Variants in EEF1AKMT2 observed in about 807,000 individuals in gnomAD.
The protein encoded by EEF1AKMT2 is EEF1A lysine methyltransferase 2.
In EEF1AKMT2, 32 loss-of-function variants were observed where a neutral mutation model predicts 35.8. The observed-to-expected ratio is 0.89, with a 90% CI of 0.67 to 1.20. The LOEUF (loss-of-function observed/expected upper bound fraction) is 1.20. Ranked by LOEUF, EEF1AKMT2 falls within the 50% of genes most tolerant of loss-of-function variation. EEF1AKMT2 has a pLI of 0.00. For synonymous variants in EEF1AKMT2, 121 were observed against 133.7 expected, an observed-to-expected ratio of 0.91 and a Z score of 0.65; for missense variants, 330 against 347.5, an observed-to-expected ratio of 0.95 and a Z score of 0.40.
intron 3 of EEF1AKMT2, among the ~76,000 whole-genome samples, chr10:124,782,407 C>A (rs998108734): frequency 1.3e-5 from 2 of 151,694 alleles, no homozygotes; most frequent in Non-Finnish European, 2.9e-5. Context: ...ACGGTGAAAC[C>A]CCGTCTCTAC....
intron 4 of EEF1AKMT2, among the ~76,000 whole-genome samples, chr10:124,771,161 T>A (rs964272161): frequency 6.6e-6 from 1 of 151,844 alleles, no homozygotes; most frequent in Non-Finnish European, 1.5e-5. Flanking sequence ...GTGCAGCGGC[T>A]AGATCTCAGC....
chr10:124,766,465 T>G (rs2134122626), intron 4 of EEF1AKMT2, among the ~76,000 whole-genome samples: 1 of 152,328 alleles, frequency 6.6e-6, no homozygotes, highest in African/African-American at 2.4e-5. Context: ...AATAACCTGA[T>G]GCATACTAAG....
intron 4 of EEF1AKMT2, among the ~76,000 whole-genome samples, chr10:124,770,941 A>G (rs1297726219): frequency 6.6e-6 from 1 of 152,128 alleles, no homozygotes; most frequent in Non-Finnish European, 1.5e-5. Context: ...ATTTGCAGTT[A>G]ATTCCTCCAT....
intron 4 of EEF1AKMT2, among the ~76,000 whole-genome samples, chr10:124,772,397 T>C (rs1056293574): frequency 2.6e-5 from 4 of 151,426 alleles, no homozygotes; most frequent in Non-Finnish European, 5.9e-5. Context: ...TTTTATGTCA[T>C]GGAGATGGCT....
rs1256014014 is a variant in EEF1AKMT2 at position 124,758,383 on chromosome 10, G to C, written c.*2120C>G. 6.6e-6 allele frequency: 1 copy of C among 151,824 alleles called. No individual in the cohort carries two copies. Among genetic ancestry groups the C allele is most frequent in the Non-Finnish European group, 1.5e-5 (1 of 67,998 alleles). 9.4% of individuals were successfully genotyped at this position (151,824 alleles called of 1,614,324 possible). ...ATGTGAAAATACTAATTTCTTATTA[G>C]CATTTTTGGACCTTCCATTTGTTCT... On this transcript the variant is annotated 3_prime_UTR_variant, in exon 7 of 7. Coordinates refer to ENST00000368836, the MANE Select transcript of EEF1AKMT2 (RefSeq NM_212554.4).
intron 4 of EEF1AKMT2, among the ~76,000 whole-genome samples, chr10:124,771,231 C>G (rs891198846): frequency 2.6e-5 from 4 of 152,008 alleles, no homozygotes; most frequent in Non-Finnish European, 5.9e-5. Context: ...TCCCAAGTAG[C>G]TGAGACTACA....
chr10:124,763,318 G>GA (rs1250299707), intron 5 of EEF1AKMT2, among the ~76,000 whole-genome samples: 2 of 152,046 alleles, frequency 1.3e-5, no homozygotes, highest in Non-Finnish European at 2.9e-5. Context: ...GGGTATCATG[G>GA]AAAAAATGCA....
chr10:124,768,344 C>T (rs1950398165), intron 4 of EEF1AKMT2, among the ~76,000 whole-genome samples: 1 of 152,202 alleles, frequency 6.6e-6, no homozygotes, highest in African/African-American at 2.4e-5. Context: ...CACAGTGGCT[C>T]ATGCCCATAA....
At chr10:124,783,845 A>T (rs1426770233) in intron 3 of EEF1AKMT2, among the ~76,000 whole-genome samples, 3 of 151,806 alleles carry the variant, frequency 2.0e-5, no homozygotes, top group Non-Finnish European at 4.4e-5. Flanking sequence ...TTATTTTGAG[A>T]CAGAGTTTCA....
At chr10:124,760,655 A>G (rs1005509591) in intron 6 of EEF1AKMT2, 152 bp from the exon 7 acceptor site, 21 of 614,778 alleles carry the variant, frequency 3.4e-5, no homozygotes, top group African/African-American at 9.2e-5. Flanking sequence ...TGATTTTTCA[A>G]TTCTACTATG....
At chr10:124,785,460 CA>C in intron 3 of EEF1AKMT2, among the ~76,000 whole-genome samples, 1 of 151,930 alleles carries the variant, frequency 6.6e-6, no homozygotes, top group African/African-American at 2.4e-5. Context: ...AAAGATAAGC[CA>C]AAGAATAGAA....
intron 1 of EEF1AKMT2, 33 bp from the exon 2 acceptor site, chr10:124,790,371 T>G (rs369374541): frequency 6.8e-7 from 1 of 1,466,742 alleles, no homozygotes; most frequent in African/African-American, 1.4e-5. Flanking sequence ...AGCAAGACTC[T>G]TGAATTAAAC....
intron 3 of EEF1AKMT2, among the ~76,000 whole-genome samples, chr10:124,788,837 A>G (rs1552345): frequency 0.74 from 110,775 of 149,864 alleles, 41,107 homozygotes; most frequent in South Asian, 0.85. Context: ...CAAGGTTAAG[A>G]CTATAGCCAA....
intron 3 of EEF1AKMT2, among the ~76,000 whole-genome samples, chr10:124,787,841 T>C (rs1034788436): frequency 6.6e-6 from 1 of 152,188 alleles, no homozygotes; most frequent in Non-Finnish European, 1.5e-5. Context: ...GTTATGTGGA[T>C]GTATTCACTT....
In EEF1AKMT2 at chr10:124,779,246, C is replaced by T. The variant is rs1008547854; in HGVS notation, c.292-4464G>A. On this transcript the variant is annotated intron_variant, in intron 3 of 6. Transcript: ENST00000368836. The stretch of plus-strand genomic sequence containing the variant: ...CCCCAGGCTCAAGCGATTCTCCCAC[C>T]TCAGCCTCCTGAGTAACTGGAATTA... Among the ~76,000 whole-genome samples the T allele has an allele frequency of 4.6e-5, 7 of 152,158 alleles. No homozygotes were observed. In the South Asian group the frequency reaches 8.3e-4, roughly 18 times the overall value.
chr10:124,790,915 C>T (rs992543827), intron 1 of EEF1AKMT2, among the ~76,000 whole-genome samples: 1 of 152,148 alleles, frequency 6.6e-6, no homozygotes, highest in African/African-American at 2.4e-5. Context: ...CAGGTGTGCG[C>T]CACCACACCC....
At chr10:124,768,190 C>T (rs778789923) in intron 4 of EEF1AKMT2, among the ~76,000 whole-genome samples, 17 of 152,012 alleles carry the variant, frequency 1.1e-4, no homozygotes, top group Non-Finnish European at 1.9e-4. Flanking sequence ...TGATGATAAA[C>T]GAGGAAGAAG....
At chr10:124,773,174 G>A (rs891307952) in intron 4 of EEF1AKMT2, among the ~76,000 whole-genome samples, 9 of 152,062 alleles carry the variant, frequency 5.9e-5, no homozygotes, top group African/African-American at 2.2e-4. Context: ...TGTTGAGGTG[G>A]GGGTTGTTTA....
chr10:124,760,652 T>C (rs1950322778), intron 6 of EEF1AKMT2, 149 bp from the exon 7 acceptor site: 1 of 606,322 alleles, frequency 1.6e-6, no homozygotes, highest in Non-Finnish European at 2.9e-6. Flanking sequence ...TCATGATTTT[T>C]CAATTCTACT....
Sources: gnomAD v4.1 joint callset for allele counts (sites outside exome capture counted in the v4.1 genomes callset) on GRCh38, gnomAD v4.1.1 for gene constraint, MANE v1.5 for transcripts, NCBI Gene and HGNC (gene_info 2026-07-23, HGNC 2026-07-21) for gene names.